LRIT2: variants seen among roughly 807,000 people sequenced by gnomAD.
LRIT2 encodes the protein leucine rich repeat, Ig-like and transmembrane domains 2, also known as leucine-rich repeat, immunoglobulin-like domain and transmembrane domain-containing protein 2.
A neutral mutation model predicts 22.4 loss-of-function variants in LRIT2; 23 were observed. The ratio of observed to expected loss-of-function variants is 1.03; its 90% CI spans 0.74 to 1.45. LRIT2 has a LOEUF of 1.45. LRIT2 is among the 40% of genes most tolerant of loss of function. The probability of loss-of-function intolerance (pLI) is 0.00; values close to 1 mark genes in which losing one functional copy is unlikely to be tolerated. For synonymous variants in LRIT2, 291 were observed against 267.1 expected (o/e 1.09, Z -0.87); for missense variants, 784 against 665.6 (o/e 1.18, Z -1.96).
intron 2 of LRIT2, chr10:84,222,999 A>G (rs1842527524): frequency 3.2e-6 from 2 of 622,080 alleles, no homozygotes; most frequent in East Asian, 2.7e-5. Flanking sequence ...TACTCTTTCA[A>G]CTTCACTAAC....
In LRIT2 at chr10:84,222,341, A is replaced by T; in HGVS notation, c.1232T>A (p.Ile411Asn). The change falls in exon 3 of 3, where the codon ATT becomes AAT. Residue 411 changes from isoleucine to asparagine, a missense_variant. Transcript: ENST00000372113. ...AGCATAAGTATTGATTCCGGGGCCA[A>T]TGTGAACCACCTCCTTCCTGAAGGC... ...DEAFRKEVVH[I>N]GPGINTYAVD... 6.2e-7 allele frequency: 1 copy of T among 1,614,200 alleles called. No homozygotes were observed. Among genetic ancestry groups the T allele is most frequent in the Non-Finnish European group, 8.5e-7 (1 of 1,180,040 alleles).
Position 84,221,801 on chromosome 10 carries a change from T to C in LRIT2, c.*119A>G. The C allele has an allele frequency of 2.1e-6, 2 of 949,002 alleles. No individual in the cohort carries two copies. Among genetic ancestry groups the C allele is most frequent in the Non-Finnish European group, 3.0e-6 (2 of 666,832 alleles). The allele number at this position is 949,002 out of a possible 1,614,324, so 58.8% of individuals were successfully genotyped here. ...CTTGAACCCCCTGTGTCAAGTTCAG[T>C]GCTTGGAACACAGTGGGTGCTCAAT... On this transcript the variant is annotated 3_prime_UTR_variant, in exon 3 of 3. Transcript: ENST00000372113.
chr10:84,222,968 C>A, intron 2 of LRIT2: 1 of 664,966 alleles, frequency 1.5e-6, no homozygotes, highest in Non-Finnish European at 2.7e-6. Context: ...TGGGACCTGG[C>A]TCTTCAATCT....
In LRIT2 at chr10:84,225,456, G is replaced by T; in HGVS notation, c.65C>A (p.Pro22His). 1.2e-6 allele frequency: 2 copies of T among 1,614,224 alleles called. No homozygotes were observed. Among genetic ancestry groups the T allele is most frequent in the Admixed American group, 1.7e-5 (1 of 60,022 alleles). ...GCAAGTGCATCCTGGCAGACAGAAA[G>T]GCTGAGCTGCGTGTGTATCCAGAAA... is the stretch of plus-strand genomic sequence containing the variant. ...LVFLDTHAAQ[P>H]FCLPGCTCSE... Residue 22 changes from proline (P) to histidine (H), a missense_variant, in exon 1 of 3, where the codon CCT becomes CAT. Transcript: ENST00000372113.
At chr10:84,223,621 C>A (rs913569533) in intron 2 of LRIT2, among the ~76,000 whole-genome samples, 7 of 152,060 alleles carry the variant, frequency 4.6e-5, no homozygotes, top group African/African-American at 1.7e-4. Context: ...AGACAGGACA[C>A]GAGGAATGTA....
rs892989625 is a variant in LRIT2, at chr10:84,220,863, G to A, written c.*1057C>T. On this transcript the variant is annotated 3_prime_UTR_variant, in exon 3 of 3. Transcript: ENST00000372113. Reference sequence around the variant, plus strand: ...AGGAAACGTGTGGAGATGTCACAATGAGTCTAGTTCATGTTTACACTCTTA... The same window carrying A: ...AGGAAACGTGTGGAGATGTCACAATAAGTCTAGTTCATGTTTACACTCTTA... 1.3e-4 allele frequency: 20 copies of A among 152,262 alleles called. No homozygotes were observed. Among genetic ancestry groups the A allele is most frequent in the Non-Finnish European group, 2.4e-4 (16 of 68,060 alleles). The allele number at this position is 152,262 out of a possible 1,614,324, so 9.4% of individuals were successfully genotyped here.
Position 84,221,865 on chromosome 10 carries a change from G to T in LRIT2, c.*55C>A, listed in dbSNP as rs547293445. ...ATAAATGGATGGAGCTGCTGCAGAG[G>T]GTTGGTTTCAGAGGCTTGAAGCCCA... On this transcript the variant is annotated 3_prime_UTR_variant, in exon 3 of 3. Transcript: ENST00000372113. 5 of 1,484,450 alleles carry T rather than the reference G, an allele frequency of 3.4e-6. No individual in the cohort carries two copies. Among genetic ancestry groups the T allele is most frequent in the Non-Finnish European group, 3.6e-6 (4 of 1,108,654 alleles). 92.0% of individuals were successfully genotyped at this position (1,484,450 alleles called of 1,614,324 possible).
At position 84,221,051 on chromosome 10, in the gene LRIT2, C is replaced by T. The variant is rs1394105408; in HGVS notation, c.*869G>A. The T allele has an allele frequency of 2.6e-5, 4 of 152,246 alleles. No homozygotes were observed. In the South Asian group the frequency reaches 6.2e-4, roughly 24 times the overall value. 9.4% of individuals were successfully genotyped at this position (152,246 alleles called of 1,614,324 possible). On this transcript the variant is annotated 3_prime_UTR_variant, in exon 3 of 3. Transcript: ENST00000372113. The stretch of plus-strand genomic sequence containing the variant: ...CATGGGTCCGGCTAAGAGGAAATGA[C>T]CACCTCTCATGGATTTCATAGGAGG...
In LRIT2 at chr10:84,222,460, G is replaced by C. The variant is rs1261180978; in HGVS notation, c.1113C>G (p.Val371=). 9 of 1,614,062 alleles carry C rather than the reference G, an allele frequency of 5.6e-6. No individual in the cohort carries two copies. Among genetic ancestry groups the C allele is most frequent in the Non-Finnish European group, 7.6e-6 (9 of 1,180,024 alleles). ...EGNAYIDLRV[V]KQTVHGILLE... ...GCAAAATCCCATGCACTGTCTGCTT[G>C]ACAACCCGCAGGTCAATGTAGGCAT... The change falls in exon 3 of 3, where the codon GTC becomes GTG. Residue 371 remains valine, a synonymous_variant. Coordinates refer to ENST00000372113, the MANE Select transcript of LRIT2 (RefSeq NM_001017924.5).
rs1842516604 is a variant in LRIT2, at chr10:84,222,270, G to A, written c.1303C>T (p.Leu435=). Residue 435 remains leucine, a synonymous_variant, in exon 3 of 3, where the codon CTA becomes TTA. Coordinates refer to ENST00000372113, the MANE Select transcript of LRIT2 (RefSeq NM_001017924.5). ...PGTKYEACLS[L]EGQPPHQGQC... is the part of the protein sequence containing the mutation. ...CCCTGGTGTGGAGGCTGGCCCTCTA[G>A]GCTGAGGCAGGCCTCATATTTTGTG... 2 of 1,614,240 alleles carry A rather than the reference G, an allele frequency of 1.2e-6. No homozygotes were observed. The highest frequency in any genetic ancestry group is 1.7e-6 in the Non-Finnish European group (2 of 1,180,048).
Position 84,221,756 on chromosome 10 carries a change from ACT to A in LRIT2, c.*162_*163del. On this transcript the variant is annotated 3_prime_UTR_variant, in exon 3 of 3. Transcript: ENST00000372113. ...TGTCCCCTTTATCATGAAGATAAAG[ACT>A]CTGTTTCCCTTTTTACTCTTGAACC... 3 of 500,472 alleles carry A rather than the reference ACT, an allele frequency of 6.0e-6. No individual in the cohort carries two copies. The highest frequency in any genetic ancestry group is 1.0e-5 in the Non-Finnish European group (3 of 294,226). 31.0% of individuals were successfully genotyped at this position (500,472 alleles called of 1,614,324 possible). A position where few individuals can be genotyped will look rare whatever the true frequency, so the allele number is the denominator to read the frequency against.
rs747020587 is a variant in LRIT2, at chr10:84,225,075, A to G, written c.150T>C (p.Pro50=). The change falls in exon 2 of 3, where the codon CCT becomes CCC. Residue 50 remains proline, a synonymous_variant. Transcript: ENST00000372113. ...QCTSVSLGKI[P]GNLSEEFKQV... The stretch of plus-strand genomic sequence containing the variant: ...GCTTGAACTCTTCAGAAAGGTTCCC[A>G]GGGATCTTTCCCAAGGAGACAGATG... The G allele has an allele frequency of 1.2e-6, 2 of 1,614,036 alleles. No homozygotes were observed. Among genetic ancestry groups the G allele is most frequent in the South Asian group, 1.1e-5 (1 of 91,066 alleles).
chr10:84,224,273 G>A (rs1348790278), intron 2 of LRIT2, 60 bp downstream of exon 2: 2 of 1,516,944 alleles, frequency 1.3e-6, no homozygotes, highest in Non-Finnish European at 1.8e-6. Context: ...TAATGAGGAT[G>A]GGTTTGCTAC....
At chr10:84,223,354 C>G (rs1458084309) in intron 2 of LRIT2, among the ~76,000 whole-genome samples, 1 of 152,018 alleles carries the variant, frequency 6.6e-6, no homozygotes, top group Non-Finnish European at 1.5e-5. Flanking sequence ...TAGAACACCA[C>G]GAAAGACAAC....
At chr10:84,224,239 G>T in intron 2 of LRIT2, 94 bp downstream of exon 2, 1 of 1,339,308 alleles carries the variant, frequency 7.5e-7, no homozygotes, top group Non-Finnish European at 1.0e-6. Flanking sequence ...CACCCTTCGT[G>T]ACTGACCCAG....
chr10:84,224,718 A>G lies in LRIT2; in HGVS notation c.507T>C (p.Ser169=), dbSNP rs568967263. The G allele has an allele frequency of 6.2e-7, 1 of 1,614,076 alleles. No homozygotes were observed. The highest frequency in any genetic ancestry group is 1.1e-5 in the South Asian group (1 of 91,086). ...SSNRLTVVSK[S]VFLNWPAYQK... ...GGTAGGCTGGCCAGTTCAGGAAGAC[A>G]CTCTTGGATACAACTGTAAGCCTAT... The change falls in exon 2 of 3, where the codon AGT becomes AGC. Residue 169 remains serine (S), a synonymous_variant. Coordinates refer to ENST00000372113, the MANE Select transcript of LRIT2 (RefSeq NM_001017924.5).
chr10:84,222,929 TGA>T (rs1842527044), intron 2 of LRIT2: 2 of 697,516 alleles, frequency 2.9e-6, no homozygotes, highest in Non-Finnish European at 5.2e-6. Context: ...TTGCCCGTAG[TGA>T]GAGTTGTTCA....
Position 84,222,068 on chromosome 10 carries a change from T to A in LRIT2, c.1505A>T (p.His502Leu). Residue 502 changes from histidine (H) to leucine (L), a missense_variant, in exon 3 of 3, where the codon CAT becomes CTT. Transcript: ENST00000372113. The stretch of plus-strand genomic sequence containing the variant: ...GGTGCAGCTGGGGGCTTTCCTGCGA[T>A]GAAGACAGCCGCGCAGGACCCACTT... The part of the protein sequence containing the change: ...CSKWVLRGCL[H>L]RRKAPSCTPA... 1.9e-6 allele frequency: 3 copies of A among 1,610,890 alleles called. No individual in the cohort carries two copies. Among genetic ancestry groups the A allele is most frequent in the Non-Finnish European group, 1.7e-6 (2 of 1,178,210 alleles).
In LRIT2 at chr10:84,224,341, T is replaced by A. The variant is rs1249452699; in HGVS notation, c.884A>T (p.Glu295Val). ...AWTYPLSMWR[E>V]FDVLTSSTGE... ...GGGTGCATGTGGCTTACCATCAAATTCTCTCCACATACTCAGGGGATAAGT... is the reference window on the plus strand; with the variant it reads ...GGGTGCATGTGGCTTACCATCAAATACTCTCCACATACTCAGGGGATAAGT... The change falls in exon 2 of 3, where the codon GAA (glutamate) becomes GTA (valine). Residue 295 changes from glutamate to valine, a missense_variant. Glu to Val is a moderately radical substitution (Grantham distance 121). Coordinates refer to ENST00000372113, the MANE Select transcript of LRIT2 (RefSeq NM_001017924.5). 6.2e-7 allele frequency: 1 copy of A among 1,610,756 alleles called. No homozygotes were observed. The highest frequency in any genetic ancestry group is 1.1e-5 in the South Asian group (1 of 90,770).
Sources: gnomAD v4.1 joint callset for allele counts (sites outside exome capture counted in the v4.1 genomes callset) on GRCh38, gnomAD v4.1.1 for gene constraint, MANE v1.5 for transcripts, NCBI Gene and HGNC (gene_info 2026-07-23, HGNC 2026-07-21) for gene names.